Variants in ARHGEF28 observed in about 807,000 individuals in gnomAD.
ARHGEF28 encodes the protein Rho guanine nucleotide exchange factor 28.
A neutral mutation model predicts 206.6 loss-of-function variants in ARHGEF28; 152 were observed. The observed-to-expected ratio is 0.74, with a 90% CI of 0.64 to 0.84. The LOEUF is 0.84. Among genes scored for constraint, ARHGEF28 ranks in the 40% least tolerant of loss-of-function variants. The pLI is 0.00. For synonymous variants in ARHGEF28, 763 were observed against 776.4 expected (o/e 0.98, Z 0.29); for missense variants, 2,028 against 2,073.2 (o/e 0.98, Z 0.42).
At chr5:73,897,009 G>A (rs1761995764) in intron 29 of ARHGEF28, among the ~76,000 whole-genome samples, 1 of 152,234 alleles carries the variant, frequency 6.6e-6, no homozygotes, top group Non-Finnish European at 1.5e-5. Context: ...GAGTGAGGGA[G>A]TTATCTTCCG....
At chr5:73,813,927 A>AG (rs1491158292) in intron 9 of ARHGEF28, among the ~76,000 whole-genome samples, 1 of 150,248 alleles carries the variant, frequency 6.7e-6, no homozygotes, top group Non-Finnish European at 1.5e-5. Flanking sequence ...AAAAAAAAAA[A>AG]GAAGGGAGTT....
At chr5:73,638,935 T>C (rs953527884) in intron 1 of ARHGEF28, among the ~76,000 whole-genome samples, 3 of 152,184 alleles carry the variant, frequency 2.0e-5, no homozygotes, top group African/African-American at 7.2e-5. Context: ...CCCACTGATA[T>C]ATTTGCACAG....
intron 35 of ARHGEF28, among the ~76,000 whole-genome samples, chr5:73,915,658 A>C (rs1256854181): frequency 6.6e-6 from 1 of 152,202 alleles, no homozygotes; most frequent in Non-Finnish European, 1.5e-5. Context: ...CAATAAAAAA[A>C]CCCAACATTT....
chr5:73,720,695 G>A (rs1749888409), intron 2 of ARHGEF28, among the ~76,000 whole-genome samples: 1 of 152,168 alleles, frequency 6.6e-6, no homozygotes, highest in South Asian at 2.1e-4. Flanking sequence ...TGGGCTGGAT[G>A]GACCAGAGCT....
intron 33 of ARHGEF28, among the ~76,000 whole-genome samples, chr5:73,906,997 T>C (rs946381922): frequency 5.9e-5 from 9 of 152,240 alleles, no homozygotes; most frequent in African/African-American, 2.2e-4. Flanking sequence ...TGAATTTCAT[T>C]TTCTTGGCTT....
At chr5:73,928,235 G>A (rs1320087154) in intron 35 of ARHGEF28, among the ~76,000 whole-genome samples, 1 of 152,134 alleles carries the variant, frequency 6.6e-6, no homozygotes, top group African/African-American at 2.4e-5. Context: ...GACCAACATG[G>A]TAAAACCCCG....
At chr5:73,769,968 C>T (rs565532821) in intron 4 of ARHGEF28, among the ~76,000 whole-genome samples, 4 of 152,166 alleles carry the variant, frequency 2.6e-5, no homozygotes, top group East Asian at 3.8e-4. Context: ...TGGTTATGAT[C>T]GATTAGCCTA....
chr5:73,789,445 G>T (rs1470325874), intron 7 of ARHGEF28, among the ~76,000 whole-genome samples: 1 of 152,146 alleles, frequency 6.6e-6, no homozygotes, highest in South Asian at 2.1e-4. Flanking sequence ...GCTAATGCGT[G>T]TGGGGTTTTC....
chr5:73,684,751 C>T, intron 1 of ARHGEF28, 90 bp from the exon 2 acceptor site: 5 of 1,089,166 alleles, frequency 4.6e-6, no homozygotes, highest in Non-Finnish European at 6.6e-6. Context: ...TTTGCTTCTC[C>T]CTCCACAATA....
At chr5:73,687,279 C>A (rs1461041002) in intron 2 of ARHGEF28, among the ~76,000 whole-genome samples, 1 of 151,706 alleles carries the variant, frequency 6.6e-6, no homozygotes, top group Non-Finnish European at 1.5e-5. Flanking sequence ...ATATAAAATT[C>A]TAGGTAATTA....
intron 9 of ARHGEF28, among the ~76,000 whole-genome samples, chr5:73,807,201 C>A (rs537441547): frequency 6.6e-6 from 1 of 152,136 alleles, no homozygotes; most frequent in South Asian, 2.1e-4. Context: ...AGACTTGGGG[C>A]TCTTATTCTT....
At chr5:73,894,603 C>A in intron 29 of ARHGEF28, 28 bp downstream of exon 29, 1 of 1,606,092 alleles carries the variant, frequency 6.2e-7, no homozygotes, top group South Asian at 1.1e-5. Flanking sequence ...GGGTTTGGGT[C>A]GACACGTTCA....
chr5:73,732,164 G>A (rs1359492411), intron 2 of ARHGEF28, among the ~76,000 whole-genome samples: 1 of 151,942 alleles, frequency 6.6e-6, no homozygotes, highest in African/African-American at 2.4e-5. Flanking sequence ...CCACCTTTAT[G>A]GTATTACATA....
At chr5:73,671,386 C>A (rs1349931575) in intron 1 of ARHGEF28, among the ~76,000 whole-genome samples, 1 of 152,056 alleles carries the variant, frequency 6.6e-6, no homozygotes, top group African/African-American at 2.4e-5. Context: ...TGAAGAGCTA[C>A]TCCACAAGAA....
chr5:73,877,787 C>T (rs1185783216), intron 22 of ARHGEF28, among the ~76,000 whole-genome samples: 5 of 151,586 alleles, frequency 3.3e-5, no homozygotes, highest in African/African-American at 7.3e-5. Flanking sequence ...GTCTGAGAGA[C>T]AGTTTGTTAT....
At chr5:73,745,666 C>T (rs1339697382) in intron 2 of ARHGEF28, among the ~76,000 whole-genome samples, 1 of 151,958 alleles carries the variant, frequency 6.6e-6, no homozygotes, top group African/African-American at 2.4e-5. Flanking sequence ...TCCTGTTTTC[C>T]ATGTGACTTG....
intron 10 of ARHGEF28, among the ~76,000 whole-genome samples, chr5:73,834,293 T>C (rs915267690): frequency 5.3e-5 from 8 of 152,186 alleles, no homozygotes; most frequent in African/African-American, 1.9e-4. Context: ...ACTTATTCAT[T>C]GTGTAACTGA....
At chr5:73,676,403 T>C (rs1481438827) in intron 1 of ARHGEF28, among the ~76,000 whole-genome samples, 1 of 152,108 alleles carries the variant, frequency 6.6e-6, no homozygotes, top group African/African-American at 2.4e-5. Context: ...ACCCAGCTAA[T>C]TTTTTGTATT....
At chr5:73,677,849 T>C (rs1480410515) in intron 1 of ARHGEF28, among the ~76,000 whole-genome samples, 1 of 152,234 alleles carries the variant, frequency 6.6e-6, no homozygotes, top group African/African-American at 2.4e-5. Context: ...GAAAATGTGG[T>C]ACAATTTTTT....
Sources: gnomAD v4.1 joint callset for allele counts (sites outside exome capture counted in the v4.1 genomes callset) on GRCh38, gnomAD v4.1.1 for gene constraint, MANE v1.5 for transcripts, NCBI Gene and HGNC (gene_info 2026-07-23, HGNC 2026-07-21) for gene names.